The following DCC variants were observed in gnomAD, a reference collection of about 807,000 sequenced individuals.
DCC encodes the protein netrin receptor DCC.
Under a neutral mutation model 172.5 loss-of-function variants are expected in DCC, and 58 were observed. The ratio of observed to expected loss-of-function variants is 0.34; its 90% CI spans 0.27 to 0.42. DCC has a LOEUF of 0.42. DCC is among the 10% of genes least tolerant of loss of function. The pLI, the probability that DCC is intolerant of heterozygous loss-of-function variation, is 1.00. For missense variants in DCC, 1,740 were observed against 1,791.0 expected (o/e 0.97, Z 0.51); for synonymous variants, 709 against 644.5 (o/e 1.10, Z -1.52).
intron 1 of DCC, among the ~76,000 whole-genome samples, chr18:52,559,124 T>C (rs1013119151): frequency 3.9e-5 from 6 of 151,922 alleles, no homozygotes; most frequent in African/African-American, 1.5e-4. Context: ...TGTTTTGTTT[T>C]GTTTTGAGAC....
intron 1 of DCC, among the ~76,000 whole-genome samples, chr18:52,510,660 A>G (rs931400738): frequency 5.9e-5 from 9 of 152,164 alleles, no homozygotes; most frequent in Non-Finnish European, 1.3e-4. Context: ...TAAGTCAGCT[A>G]ATATCATGGA....
chr18:53,461,526 T>C (rs2045559611), intron 24 of DCC, among the ~76,000 whole-genome samples: 1 of 152,222 alleles, frequency 6.6e-6, no homozygotes, highest in Non-Finnish European at 1.5e-5. Flanking sequence ...CAGCACCATT[T>C]ATTAAATAGG....
chr18:53,149,126 G>T (rs1036147986), intron 7 of DCC, among the ~76,000 whole-genome samples: 7 of 151,980 alleles, frequency 4.6e-5, no homozygotes, highest in African/African-American at 1.4e-4. Flanking sequence ...CTCCCAAACT[G>T]CTGGGATTAC....
chr18:52,719,447 G>A (rs1397895360), intron 1 of DCC, among the ~76,000 whole-genome samples: 1 of 152,100 alleles, frequency 6.6e-6, no homozygotes, highest in Non-Finnish European at 1.5e-5. Context: ...GCTCCGACGG[G>A]GAGGTTATCC....
intron 1 of DCC, among the ~76,000 whole-genome samples, chr18:52,357,143 C>T (rs965134718): frequency 2.6e-5 from 4 of 152,168 alleles, no homozygotes; most frequent in Non-Finnish European, 4.4e-5. Context: ...GCAGGACATT[C>T]TACTCTTTTA....
chr18:52,866,580 C>A (rs910976753), intron 2 of DCC, among the ~76,000 whole-genome samples: 1 of 152,028 alleles, frequency 6.6e-6, no homozygotes, highest in Non-Finnish European at 1.5e-5. Context: ...GGTTTGTAGT[C>A]CTCCTTGAAG....
At chr18:52,540,944 G>A (rs2032428469) in intron 1 of DCC, among the ~76,000 whole-genome samples, 2 of 152,082 alleles carry the variant, frequency 1.3e-5, no homozygotes, top group African/African-American at 2.4e-5. Flanking sequence ...GTGTTCTGGG[G>A]CCTCAAACAT....
At position 53,534,593 on chromosome 18, in the gene DCC, A is replaced by T. The variant is rs998041792; in HGVS notation, c.*3940A>T. The T allele has an allele frequency of 2.2e-4, 33 of 152,318 alleles. No individual in the cohort carries two copies. The highest frequency in any genetic ancestry group is 6.5e-4 in the African/African-American group (27 of 41,588). 9.4% of individuals were successfully genotyped at this position (152,318 alleles called of 1,614,324 possible). Reference sequence around the variant, plus strand: ...TTAGTATTGTACAGAAAAGCTTTTTATTTGAGTCTAGTGTTTAAAATTAAA... The same window carrying T: ...TTAGTATTGTACAGAAAAGCTTTTTTTTTGAGTCTAGTGTTTAAAATTAAA... On this transcript the variant is annotated 3_prime_UTR_variant, in exon 29 of 29. Coordinates refer to ENST00000442544, the MANE Select transcript of DCC (RefSeq NM_005215.4).
At chr18:53,172,320 T>C (rs2055025634) in intron 8 of DCC, among the ~76,000 whole-genome samples, 1 of 151,946 alleles carries the variant, frequency 6.6e-6, no homozygotes, top group Non-Finnish European at 1.5e-5. Flanking sequence ...GACTGTCACA[T>C]AGGAGGAAGG....
At chr18:53,214,800 C>T (rs180762160) in intron 11 of DCC, among the ~76,000 whole-genome samples, 18 of 152,180 alleles carry the variant, frequency 1.2e-4, no homozygotes, top group Admixed American at 1.1e-3. Flanking sequence ...AAATTACTCA[C>T]ATGATAGAAT....
chr18:52,792,990 G>C (rs1268225913), intron 2 of DCC, among the ~76,000 whole-genome samples: 1 of 152,182 alleles, frequency 6.6e-6, no homozygotes, highest in Non-Finnish European at 1.5e-5. Flanking sequence ...GTGGGTTAGG[G>C]AGTGGAAAGT....
intron 12 of DCC, among the ~76,000 whole-genome samples, chr18:53,268,652 G>T (rs1034345438): frequency 3.9e-5 from 6 of 152,080 alleles, no homozygotes; most frequent in Non-Finnish European, 8.8e-5. Flanking sequence ...CTGTCCAACT[G>T]CTGAAATCTC....
chr18:53,080,476 G>A (rs1054738343), intron 7 of DCC, among the ~76,000 whole-genome samples: 9 of 152,156 alleles, frequency 5.9e-5, no homozygotes, highest in South Asian at 2.1e-4. Flanking sequence ...ATAATGCCAG[G>A]TATAAACTAT....
chr18:53,052,031 T>A (rs1481838826), intron 5 of DCC, among the ~76,000 whole-genome samples: 1 of 152,098 alleles, frequency 6.6e-6, no homozygotes, highest in Admixed American at 6.6e-5. Context: ...CTAATTACTT[T>A]AATTCCTTCA....
chr18:52,858,202 C>T (rs189704636), intron 2 of DCC, among the ~76,000 whole-genome samples: 7 of 152,290 alleles, frequency 4.6e-5, no homozygotes, highest in Admixed American at 6.5e-5. Context: ...AAGGCTAGCA[C>T]GCCCATTTTA....
chr18:53,273,818 G>C (rs918323859), intron 12 of DCC, among the ~76,000 whole-genome samples: 28 of 151,424 alleles, frequency 1.8e-4, no homozygotes, highest in Admixed American at 1.4e-3. Flanking sequence ...TTGTCCCAGT[G>C]AGTTATCTCA....
chr18:52,620,549 C>T (rs1371519649), intron 1 of DCC, among the ~76,000 whole-genome samples: 1 of 152,178 alleles, frequency 6.6e-6, no homozygotes, highest in Non-Finnish European at 1.5e-5. Context: ...TGGTGACGGT[C>T]ATTTTCTTCT....
At position 53,519,583 on chromosome 18, in the gene DCC, G is replaced by C. The variant is rs1216232869; in HGVS notation, c.4112-7034G>C. Among the ~76,000 whole-genome samples the C allele has an allele frequency of 3.3e-5, 5 of 150,950 alleles. No homozygotes were observed. The East Asian group carries it at 9.7e-4, about 29-fold the overall frequency. ...AAAATCACTTTTCATATTTGGGAGA[G>C]ATCCCAGAGGATGCTGACTCCAAAA... is the stretch of plus-strand genomic sequence containing the variant. On this transcript the variant is annotated intron_variant, in intron 27 of 28. Coordinates refer to ENST00000442544, the MANE Select transcript of DCC (RefSeq NM_005215.4).
At chr18:52,736,664 A>G (rs561216636) in intron 1 of DCC, among the ~76,000 whole-genome samples, 1 of 152,236 alleles carries the variant, frequency 6.6e-6, no homozygotes, top group Admixed American at 6.5e-5. Context: ...TAAAATTACA[A>G]TCCTAGTACA....
Sources: gnomAD v4.1 joint callset for allele counts (sites outside exome capture counted in the v4.1 genomes callset) on GRCh38, gnomAD v4.1.1 for gene constraint, MANE v1.5 for transcripts, NCBI Gene and HGNC (gene_info 2026-07-23, HGNC 2026-07-21) for gene names.